The following BBS9 variants were observed in gnomAD, a reference collection of about 807,000 sequenced individuals.
BBS9 encodes Bardet-Biedl syndrome 9.
In BBS9, 89 loss-of-function variants were observed where a neutral mutation model predicts 117.7. The ratio of observed to expected loss-of-function variants is 0.76; its 90% CI spans 0.64 to 0.90. BBS9 has a LOEUF of 0.90. Ranked by LOEUF, BBS9 falls within the 40% of genes least tolerant of loss-of-function variation. The probability of loss-of-function intolerance (pLI) is 0.00; values close to 1 mark genes in which losing one functional copy is unlikely to be tolerated. For missense variants in BBS9, 982 were observed against 1,042.2 expected, an observed-to-expected ratio of 0.94 and a Z score of 0.80; for synonymous variants, 379 against 370.9, an observed-to-expected ratio of 1.02 and a Z score of -0.25.
At chr7:33,459,323 C>T (rs752424824) in intron 19 of BBS9, among the ~76,000 whole-genome samples, 1 of 151,822 alleles carries the variant, frequency 6.6e-6, no homozygotes, top group East Asian at 1.9e-4. Context: ...GGACATTTGG[C>T]AAAGTCTGGG....
chr7:33,330,895 G>A (rs979011422), intron 9 of BBS9, among the ~76,000 whole-genome samples: 1 of 152,116 alleles, frequency 6.6e-6, no homozygotes, highest in African/African-American at 2.4e-5. Flanking sequence ...AGAAGCAATA[G>A]GGTACACGGT....
chr7:33,169,056 C>T (rs1477558899), intron 4 of BBS9, among the ~76,000 whole-genome samples: 2 of 150,608 alleles, frequency 1.3e-5, no homozygotes, highest in South Asian at 2.1e-4. Context: ...TGAGAATATG[C>T]GGTGTTTGGT....
At chr7:33,312,067 A>G (rs1350381115) in intron 9 of BBS9, among the ~76,000 whole-genome samples, 1 of 152,186 alleles carries the variant, frequency 6.6e-6, no homozygotes, top group African/African-American at 2.4e-5. Flanking sequence ...ATGACATACA[A>G]TTGTGTACCC....
intron 7 of BBS9, among the ~76,000 whole-genome samples, chr7:33,268,352 G>A (rs1032327363): frequency 6.6e-6 from 1 of 152,148 alleles, no homozygotes; most frequent in Non-Finnish European, 1.5e-5. Context: ...AACTCCAACT[G>A]CTGTGGTTTC....
intron 21 of BBS9, among the ~76,000 whole-genome samples, chr7:33,537,021 T>C (rs2598410): frequency 0.62 from 94,541 of 151,640 alleles, 30,430 homozygotes; most frequent in African/African-American, 0.77. Context: ...AGCATAAAAG[T>C]TTTTTTTGCA....
intron 4 of BBS9, among the ~76,000 whole-genome samples, chr7:33,159,171 A>G (rs1478568610): frequency 2.0e-5 from 3 of 152,178 alleles, no homozygotes. Flanking sequence ...AGGCAGCTTT[A>G]GGCTAAACTT....
intron 21 of BBS9, among the ~76,000 whole-genome samples, chr7:33,612,609 G>T (rs1864936616): frequency 1.3e-5 from 2 of 151,806 alleles, no homozygotes; most frequent in African/African-American, 2.4e-5. Context: ...TATATCATTG[G>T]TCCCTACAGT....
intron 11 of BBS9, 118 bp downstream of exon 11, chr7:33,341,091 C>G (rs1816445484): frequency 1.2e-6 from 1 of 807,444 alleles, no homozygotes; most frequent in African/African-American, 1.7e-5. Context: ...GGGAGGATAA[C>G]AAATTGTAGG....
At chr7:33,527,515 G>T (rs566513807) in intron 20 of BBS9, among the ~76,000 whole-genome samples, 262 of 152,298 alleles carry the variant, frequency 1.7e-3, no homozygotes, top group African/African-American at 6.2e-3. Context: ...GATTTTCCAG[G>T]TGCGTCCGTC....
chr7:33,460,258 C>T (rs1169917132), intron 19 of BBS9, among the ~76,000 whole-genome samples: 1 of 152,032 alleles, frequency 6.6e-6, no homozygotes, highest in African/African-American at 2.4e-5. Flanking sequence ...ATGTTCATAT[C>T]TCTGTAGAAA....
intron 19 of BBS9, among the ~76,000 whole-genome samples, chr7:33,486,464 A>G (rs763508943): frequency 1.3e-5 from 2 of 152,252 alleles, no homozygotes; most frequent in Admixed American, 6.5e-5. Flanking sequence ...TTTTCAGTGC[A>G]CTTAAGTAGT....
intron 19 of BBS9, among the ~76,000 whole-genome samples, chr7:33,390,849 A>G (rs1826945622): frequency 6.6e-6 from 1 of 152,190 alleles, no homozygotes; most frequent in Non-Finnish European, 1.5e-5. Flanking sequence ...ACCAGGCTAA[A>G]GAAAAACTCC....
intron 20 of BBS9, among the ~76,000 whole-genome samples, chr7:33,516,154 C>T (rs1847740651): frequency 1.3e-5 from 2 of 152,066 alleles, no homozygotes; most frequent in Non-Finnish European, 2.9e-5. Context: ...GAGTATAAGA[C>T]ACAACCCTAC....
At chr7:33,343,559 C>T (rs150083053) in intron 11 of BBS9, among the ~76,000 whole-genome samples, 3 of 151,940 alleles carry the variant, frequency 2.0e-5, no homozygotes, top group African/African-American at 4.8e-5. Flanking sequence ...AGTGAAGTGG[C>T]GTGATCTGGG....
At chr7:33,425,315 G>T (rs1833497616) in intron 19 of BBS9, among the ~76,000 whole-genome samples, 1 of 152,122 alleles carries the variant, frequency 6.6e-6, no homozygotes. Context: ...AAAGTATGAT[G>T]ATAATACAAA....
chr7:33,241,433 G>C (rs1351906275), intron 5 of BBS9, among the ~76,000 whole-genome samples: 1 of 152,096 alleles, frequency 6.6e-6, no homozygotes, highest in African/African-American at 2.4e-5. Context: ...GGATTTATTG[G>C]ACTTAAAACT....
intron 5 of BBS9, among the ~76,000 whole-genome samples, chr7:33,210,933 T>G (rs1207972830): frequency 6.6e-6 from 1 of 152,226 alleles, no homozygotes; most frequent in Non-Finnish European, 1.5e-5. Context: ...ACCTTCTTTG[T>G]CTCTTATTAC....
intron 9 of BBS9, among the ~76,000 whole-genome samples, chr7:33,334,717 GT>G (rs1814928551): frequency 2.0e-5 from 3 of 152,136 alleles, no homozygotes; most frequent in Admixed American, 1.3e-4. Flanking sequence ...AAAACTTAAA[GT>G]TTTTGAGGAT....
chr7:33,519,433 C>A (rs749973488), intron 20 of BBS9, among the ~76,000 whole-genome samples: 1 of 152,166 alleles, frequency 6.6e-6, no homozygotes, highest in Non-Finnish European at 1.5e-5. Flanking sequence ...TCATTAGAAT[C>A]ATGTCTGACC....
Sources: gnomAD v4.1 joint callset for allele counts (sites outside exome capture counted in the v4.1 genomes callset) on GRCh38, gnomAD v4.1.1 for gene constraint, MANE v1.5 for transcripts, NCBI Gene and HGNC (gene_info 2026-07-23, HGNC 2026-07-21) for gene names.